Variants in PTCHD4 observed in about 807,000 individuals in gnomAD.
The protein encoded by PTCHD4 is patched domain-containing protein 4.
A neutral mutation model predicts 58.1 loss-of-function variants in PTCHD4; 33 were observed. That is an observed-to-expected ratio of 0.57 (90% CI 0.43 to 0.76). PTCHD4 has a LOEUF of 0.76. Among genes scored for constraint, PTCHD4 ranks in the 30% least tolerant of loss-of-function variants. The probability of loss-of-function intolerance (pLI) is 0.00; values close to 1 mark genes in which losing one functional copy is unlikely to be tolerated. For missense variants in PTCHD4, 1,058 were observed against 1,027.1 expected (o/e 1.03, Z -0.41); for synonymous variants, 478 against 409.6 (o/e 1.17, Z -2.02).
chr6:47,930,510 T>A (rs75978167), intron 4 of PTCHD4, among the ~76,000 whole-genome samples: 9,644 of 152,280 alleles, frequency 0.063, 390 homozygotes, highest in Middle Eastern at 0.13. Flanking sequence ...TAGGCACATA[T>A]TCCCAGGGAT....
chr6:48,084,663 G>C (rs370992401), intron 1 of PTCHD4, among the ~76,000 whole-genome samples: 5 of 151,566 alleles, frequency 3.3e-5, no homozygotes, highest in South Asian at 4.2e-4. Flanking sequence ...AATTCTACAG[G>C]AATATCTAAT....
At chr6:48,092,018 CAT>C (rs985423996) in intron 1 of PTCHD4, among the ~76,000 whole-genome samples, 3 of 150,400 alleles carry the variant, frequency 2.0e-5, no homozygotes, top group Non-Finnish European at 3.0e-5. Context: ...CACACACACA[CAT>C]ACACACACAC....
intron 3 of PTCHD4, among the ~76,000 whole-genome samples, chr6:48,019,561 C>A (rs1295960907): frequency 3.9e-5 from 6 of 151,948 alleles, no homozygotes; most frequent in African/African-American, 7.3e-5. Context: ...ATGGTGAAAC[C>A]CTTTCTCTAC....
intron 4 of PTCHD4, among the ~76,000 whole-genome samples, chr6:47,972,664 AATCT>A (rs763335086): frequency 3.2e-4 from 48 of 152,132 alleles, no homozygotes; most frequent in Admixed American, 7.8e-4. Context: ...GCTCTGTATC[AATCT>A]ATCACCTATC....
At chr6:47,903,952 T>C (rs1465042659) in intron 4 of PTCHD4, among the ~76,000 whole-genome samples, 1 of 152,108 alleles carries the variant, frequency 6.6e-6, no homozygotes, top group Non-Finnish European at 1.5e-5. Context: ...CTGGCTGTAA[T>C]GTCTTCAGGA....
chr6:48,052,368 A>T (rs1357627630), intron 3 of PTCHD4, among the ~76,000 whole-genome samples: 1 of 151,900 alleles, frequency 6.6e-6, no homozygotes, highest in Non-Finnish European at 1.5e-5. Flanking sequence ...AAAAGGAATG[A>T]CTGGTTCTCC....
chr6:48,084,728 T>C (rs1461528342), intron 1 of PTCHD4, among the ~76,000 whole-genome samples: 1 of 151,598 alleles, frequency 6.6e-6, no homozygotes, highest in Non-Finnish European at 1.5e-5. Flanking sequence ...TCTTTTTTTC[T>C]TTCTTTCTTT....
rs1220669719 is a variant in PTCHD4 at position 47,873,987 on chromosome 6, G to T, written c.*4316C>A. On this transcript the variant is annotated 3_prime_UTR_variant, in exon 5 of 5. Transcript: ENST00000339488. Reference sequence around the variant, plus strand: ...ACCAACAAACCAGACTGAACAGAAAGATCCCTGTAGTAGGATGCCGAGCAA... The same window carrying T: ...ACCAACAAACCAGACTGAACAGAAATATCCCTGTAGTAGGATGCCGAGCAA... Among the ~76,000 whole-genome samples, 1 of 151,714 alleles carries T rather than the reference G, an allele frequency of 6.6e-6. No homozygotes were observed. Among genetic ancestry groups the T allele is most frequent in the East Asian group, 1.9e-4 (1 of 5,156 alleles).
intron 4 of PTCHD4, among the ~76,000 whole-genome samples, chr6:47,928,433 G>A (rs1403157915): frequency 6.6e-6 from 1 of 152,162 alleles, no homozygotes; most frequent in African/African-American, 2.4e-5. Flanking sequence ...TTCCAAAAAA[G>A]TCTCCCTAAA....
In PTCHD4 at chr6:47,871,971, A is replaced by C. The variant is rs567910033; in HGVS notation, c.*6332T>G. Among the ~76,000 whole-genome samples, 25 of 151,572 alleles carry C rather than the reference A, an allele frequency of 1.6e-4. No homozygotes were observed. In the East Asian group the frequency reaches 3.9e-3, roughly 24 times the overall value. On this transcript the variant is annotated 3_prime_UTR_variant, in exon 5 of 5. Transcript: ENST00000339488. ...AAAGATGCCAGAATTCCCTTATTCT[A>C]CTTGAAAATAGATGCTACAGACTGT...
At chr6:47,980,523 T>C (rs1454093307) in intron 4 of PTCHD4, among the ~76,000 whole-genome samples, 3 of 152,116 alleles carry the variant, frequency 2.0e-5, no homozygotes, top group Non-Finnish European at 4.4e-5. Context: ...ATATAAGTGA[T>C]GTTTTCAAAT....
intron 4 of PTCHD4, among the ~76,000 whole-genome samples, chr6:47,913,281 G>A (rs1255946533): frequency 6.6e-6 from 1 of 152,000 alleles, no homozygotes; most frequent in Non-Finnish European, 1.5e-5. Context: ...CCAGTGGGGA[G>A]CACTATAAAA....
chr6:48,007,978 G>A (rs1386399620), intron 4 of PTCHD4, among the ~76,000 whole-genome samples: 2 of 151,324 alleles, frequency 1.3e-5, no homozygotes, highest in Admixed American at 6.6e-5. Context: ...CACCTACATA[G>A]TATTTTCTAG....
intron 3 of PTCHD4, among the ~76,000 whole-genome samples, chr6:48,046,482 A>G (rs1370171677): frequency 6.6e-6 from 1 of 151,880 alleles, no homozygotes; most frequent in Non-Finnish European, 1.5e-5. Flanking sequence ...TTCAATTAAT[A>G]GGATGGATTG....
intron 3 of PTCHD4, among the ~76,000 whole-genome samples, chr6:48,053,999 T>C (rs1764323091): frequency 6.6e-6 from 1 of 152,096 alleles, no homozygotes; most frequent in South Asian, 2.1e-4. Flanking sequence ...ACAAAAGAGC[T>C]AGGTAAGATA....
chr6:48,036,634 T>A (rs933341871), intron 3 of PTCHD4, among the ~76,000 whole-genome samples: 9 of 152,148 alleles, frequency 5.9e-5, no homozygotes, highest in Admixed American at 4.6e-4. Context: ...AAGGAACCGT[T>A]ACTTAATTAT....
chr6:47,946,826 T>A (rs1231865143), intron 4 of PTCHD4, among the ~76,000 whole-genome samples: 2 of 152,126 alleles, frequency 1.3e-5, no homozygotes, highest in African/African-American at 2.4e-5. Flanking sequence ...ATGTGCACAA[T>A]TTCTATTCTA....
At chr6:48,031,926 C>T (rs1177872561) in intron 3 of PTCHD4, among the ~76,000 whole-genome samples, 1 of 152,016 alleles carries the variant, frequency 6.6e-6, no homozygotes, top group African/African-American at 2.4e-5. Context: ...TTTTCGATGC[C>T]TAAAACACTG....
rs767528212 is a variant in PTCHD4 at position 47,879,869 on chromosome 6, GA to G, written c.965del (p.Phe322SerfsTer5). ...GWRRTKENLP[F>X]KDRIADAYSD... The stretch of plus-strand genomic sequence containing the variant: ...AATAGGCATCTGCTATCCTGTCTTT[GA>G]AGGGCAAGTTCTCTTTGGTTCTCCG... On this transcript the variant is annotated frameshift_variant, in exon 5 of 5. Coordinates refer to ENST00000339488, the MANE Select transcript of PTCHD4 (RefSeq NM_001384253.1). LOFTEE classifies it high-confidence loss of function. 1 of 1,600,048 alleles carries G rather than the reference GA, an allele frequency of 6.2e-7. No homozygotes were observed. Among genetic ancestry groups the G allele is most frequent in the Non-Finnish European group, 8.5e-7 (1 of 1,172,724 alleles).
Sources: allele counts gnomAD v4.1 joint callset (sites outside exome capture counted in the v4.1 genomes callset), GRCh38; gene constraint gnomAD v4.1.1; transcripts MANE v1.5; gene names NCBI Gene and HGNC (gene_info 2026-07-23, HGNC 2026-07-21).